The following CHODL variants were observed in gnomAD, a reference collection of about 807,000 sequenced individuals.
CHODL encodes the protein transmembrane protein MT75.
A neutral mutation model predicts 34.5 loss-of-function variants in CHODL; 29 were observed. That is an observed-to-expected ratio of 0.84 (90% CI 0.63 to 1.15). The LOEUF is 1.15. Among genes scored for constraint, CHODL ranks in the 50% most tolerant of loss-of-function variants. CHODL has a pLI of 0.00. For missense variants in CHODL, 332 were observed against 332.5 expected, an observed-to-expected ratio of 1.00 and a Z score of 0.01; for synonymous variants, 125 against 116.1, an observed-to-expected ratio of 1.08 and a Z score of -0.49.
chr21:17,936,885 C>A (rs1483121233), intron 1 of CHODL, among the ~76,000 whole-genome samples: 1 of 151,874 alleles, frequency 6.6e-6, no homozygotes. Context: ...ACCAGCCTGG[C>A]CAACATGGTG....
At chr21:17,979,783 T>G (rs981730749) in intron 1 of CHODL, among the ~76,000 whole-genome samples, 1 of 152,204 alleles carries the variant, frequency 6.6e-6, no homozygotes, top group African/African-American at 2.4e-5. Context: ...TACTTGGGGT[T>G]TTAGGAAACA....
At chr21:18,013,883 C>T (rs896065424) in intron 1 of CHODL, among the ~76,000 whole-genome samples, 4 of 152,066 alleles carry the variant, frequency 2.6e-5, no homozygotes, top group African/African-American at 9.6e-5. Context: ...GATCCACCCA[C>T]CTCAGCCTCC....
intron 2 of CHODL, among the ~76,000 whole-genome samples, chr21:18,197,933 G>A (rs934239503): frequency 6.6e-6 from 1 of 152,142 alleles, no homozygotes; most frequent in South Asian, 2.1e-4. Context: ...AATATTTCAC[G>A]ATAGTTTAAA....
At chr21:18,264,496 G>C (rs2074424317) in intron 5 of CHODL, among the ~76,000 whole-genome samples, 1 of 151,696 alleles carries the variant, frequency 6.6e-6, no homozygotes, top group Non-Finnish European at 1.5e-5. Context: ...CAGCTACTTG[G>C]GAGGCTGAGG....
rs143639673 is a variant in CHODL at position 17,930,291 on chromosome 21, C to T, written c.-145+12891C>T. On this transcript the variant is annotated intron_variant, in intron 1 of 6. Transcript: ENST00000400127. Reference sequence around the variant, plus strand: ...TGTTGCCTAGCACCCTTTTGAAAGCCTAGCCCTCAGAGGCCTGCATTCTGC... The same window carrying T: ...TGTTGCCTAGCACCCTTTTGAAAGCTTAGCCCTCAGAGGCCTGCATTCTGC... 7.6e-3 allele frequency among the ~76,000 whole-genome samples: 1,160 copies of T among 152,304 alleles called. 20 individuals carry two copies. The highest frequency in any genetic ancestry group is 0.026 in the African/African-American group (1,080 of 41,574).
At chr21:18,023,483 A>G (rs1021473394) in intron 1 of CHODL, among the ~76,000 whole-genome samples, 2 of 151,994 alleles carry the variant, frequency 1.3e-5, no homozygotes, top group African/African-American at 2.4e-5. Flanking sequence ...AACAAAAAGG[A>G]TGTCGCGAAC....
intron 2 of CHODL, among the ~76,000 whole-genome samples, chr21:18,117,703 A>C (rs1239292771): frequency 5.3e-4 from 79 of 148,200 alleles, no homozygotes; most frequent in African/African-American, 1.6e-3. Flanking sequence ...ATAAATAAAT[A>C]AGATAAAATA....
At chr21:18,136,145 T>C (rs1444067067) in intron 2 of CHODL, among the ~76,000 whole-genome samples, 2 of 148,086 alleles carry the variant, frequency 1.4e-5, no homozygotes, top group African/African-American at 5.0e-5. Flanking sequence ...AAAAAATGAA[T>C]TTCTACAGTG....
At chr21:18,124,111 T>C (rs17836106) in intron 2 of CHODL, among the ~76,000 whole-genome samples, 11,890 of 152,210 alleles carry the variant, frequency 0.078, 507 homozygotes, top group East Asian at 0.17. Flanking sequence ...AAGTCTGCTT[T>C]CCATAGCCCT....
chr21:18,220,020 G>A (rs967564852), intron 2 of CHODL, among the ~76,000 whole-genome samples: 12 of 152,082 alleles, frequency 7.9e-5, no homozygotes, highest in African/African-American at 2.9e-4. Context: ...CTAATGTCCT[G>A]AAGTGCTGTC....
intron 2 of CHODL, among the ~76,000 whole-genome samples, chr21:18,102,380 T>C (rs1257604357): frequency 6.6e-6 from 1 of 152,192 alleles, no homozygotes; most frequent in Non-Finnish European, 1.5e-5. Context: ...AAGTTTTGAT[T>C]GGATTTTAAT....
At chr21:17,963,303 G>C (rs2063547208) in intron 1 of CHODL, among the ~76,000 whole-genome samples, 1 of 152,018 alleles carries the variant, frequency 6.6e-6, no homozygotes, top group South Asian at 2.1e-4. Flanking sequence ...TGTTAGATTG[G>C]AAAAATGATA....
chr21:18,014,993 G>A (rs761707536), intron 1 of CHODL, among the ~76,000 whole-genome samples: 22 of 152,170 alleles, frequency 1.4e-4, no homozygotes, highest in Non-Finnish European at 1.9e-4. Context: ...GGAAGAGTTC[G>A]GAAGGCTTAG....
At chr21:18,060,390 C>T (rs1289196418) in intron 2 of CHODL, among the ~76,000 whole-genome samples, 1 of 151,842 alleles carries the variant, frequency 6.6e-6, no homozygotes. Flanking sequence ...GTCGAGGCTG[C>T]AGCGAGCCGT....
chr21:18,165,108 C>T (rs2073137227), intron 2 of CHODL, among the ~76,000 whole-genome samples: 1 of 152,164 alleles, frequency 6.6e-6, no homozygotes, highest in Non-Finnish European at 1.5e-5. Flanking sequence ...CATCTCTGAC[C>T]TCTATTCACT....
chr21:18,121,289 T>G (rs1196686869), intron 2 of CHODL, among the ~76,000 whole-genome samples: 1 of 152,210 alleles, frequency 6.6e-6, no homozygotes, highest in East Asian at 1.9e-4. Context: ...GCTGATGAGC[T>G]AAAAAGAAAA....
At chr21:17,962,933 G>A (rs1169061451) in intron 1 of CHODL, among the ~76,000 whole-genome samples, 4 of 151,794 alleles carry the variant, frequency 2.6e-5, no homozygotes, top group African/African-American at 4.8e-5. Flanking sequence ...GCGTGGTGGC[G>A]GGCACCTGTA....
At chr21:18,000,549 C>T (rs962156719) in intron 1 of CHODL, among the ~76,000 whole-genome samples, 1 of 152,080 alleles carries the variant, frequency 6.6e-6, no homozygotes, top group African/African-American at 2.4e-5. Flanking sequence ...GTCTCTTGTT[C>T]TAGTAAGTCA....
chr21:18,265,904 A>G, intron 5 of CHODL, 50 bp from the exon 6 acceptor site: 1 of 1,453,164 alleles, frequency 6.9e-7, no homozygotes, highest in Non-Finnish European at 9.5e-7. Context: ...AGACATGCTT[A>G]GTTTAATAAG....
Sources: allele counts gnomAD v4.1 joint callset (sites outside exome capture counted in the v4.1 genomes callset), GRCh38; gene constraint gnomAD v4.1.1; transcripts MANE v1.5; gene names NCBI Gene and HGNC (gene_info 2026-07-23, HGNC 2026-07-21).